CCL2: variants seen among roughly 807,000 people sequenced by gnomAD.
The protein encoded by CCL2 is C-C motif chemokine ligand 2.
CCL2 carries 2 observed loss-of-function variants against 6.7 expected under a neutral mutation model. The ratio of observed to expected loss-of-function variants is 0.30; its 90% CI spans 0.12 to 0.94. The LOEUF is 0.94. CCL2 is among the 40% of genes least tolerant of loss of function. The probability of loss-of-function intolerance (pLI) is 0.54; values close to 1 mark genes in which losing one functional copy is unlikely to be tolerated. For missense variants in CCL2, 89 were observed against 119.3 expected, an observed-to-expected ratio of 0.75 and a Z score of 1.18; for synonymous variants, 43 against 45.2, an observed-to-expected ratio of 0.95 and a Z score of 0.19.
In CCL2 at chr17:34,255,311, T is replaced by C; in HGVS notation, c.-39T>C. 6.3e-7 allele frequency: 1 copy of C among 1,588,280 alleles called. No individual in the cohort carries two copies. The highest frequency in any genetic ancestry group is 2.2e-5 in the East Asian group (1 of 44,654). ...AGAGGCTGAGACTAACCCAGAAACA[T>C]CCAATTCTCAAACTGAAGCTCGCAC... On this transcript the variant is annotated 5_prime_UTR_variant, in exon 1 of 3. Coordinates refer to ENST00000225831, the MANE Select transcript of CCL2 (RefSeq NM_002982.4).
chr17:34,256,386 G>C, intron 2 of CCL2, 47 bp downstream of exon 2: 7 of 1,232,714 alleles, frequency 5.7e-6, no homozygotes, highest in South Asian at 1.2e-5. Context: ...TCTTCCTTGT[G>C]GAGCAAGGGA....
rs1907703541 is a variant in CCL2, at chr17:34,256,847, A to G, written c.*20A>G. ...ACTTGAACACTCACTCCACAACCCA[A>G]GAATCTGCAGCTAACTTATTTTCCC... On this transcript the variant is annotated 3_prime_UTR_variant, in exon 3 of 3. Transcript: ENST00000225831. 1.4e-6 allele frequency: 2 copies of G among 1,473,592 alleles called. No homozygotes were observed. The highest frequency in any genetic ancestry group is 1.9e-6 in the Non-Finnish European group (2 of 1,054,880). The allele number at this position is 1,473,592 out of a possible 1,614,324, so 91.3% of individuals were successfully genotyped here.
chr17:34,256,617 G>A (rs552587136), intron 2 of CCL2, 105 bp from the exon 3 acceptor site: 90 of 768,234 alleles, frequency 1.2e-4, no homozygotes, highest in South Asian at 1.1e-3. Flanking sequence ...TTCCACCTGC[G>A]TTCCTCCTCT....
At chr17:34,255,453 C>A in intron 1 of CCL2, 28 bp downstream of exon 1, 2 of 1,576,486 alleles carry the variant, frequency 1.3e-6, no homozygotes, top group Non-Finnish European at 1.7e-6. Flanking sequence ...TCTCCTTGAA[C>A]CACATTGTCT....
rs559617755 is a variant in CCL2, at chr17:34,255,556, G to C, written c.76+131G>C. On this transcript the variant is annotated intron_variant, in intron 1 of 2. Transcript: ENST00000225831. ...TCCAAGATAAGGTGACTCAGAAAAG[G>C]ACAAGGGGTGAGCCCAACCACACAG... 96 of 747,896 alleles carry C rather than the reference G, an allele frequency of 1.3e-4. 3 individuals are homozygous for C. The South Asian group carries it at 1.7e-3, about 13-fold the overall frequency. The allele number at this position is 747,896 out of a possible 1,614,324, so 46.3% of individuals were successfully genotyped here.
Position 34,255,300 on chromosome 17 carries a change from A to T in CCL2, c.-50A>T. 1 of 1,550,386 alleles carries T rather than the reference A, an allele frequency of 6.5e-7. No homozygotes were observed. Among genetic ancestry groups the T allele is most frequent in the Non-Finnish European group, 8.9e-7 (1 of 1,123,814 alleles). ...CAGAGGAACCGAGAGGCTGAGACTA[A>T]CCCAGAAACATCCAATTCTCAAACT... On this transcript the variant is annotated 5_prime_UTR_variant, in exon 1 of 3. Transcript: ENST00000225831.
At position 34,256,725 on chromosome 17, in the gene CCL2, C is replaced by T; in HGVS notation, c.198C>T (p.Phe66=). ...SSKCPKEAVI[F]KTIVAKEICA... ...ACTCTGTCCTCCCTCCCCACAGCTT[C>T]AAGACCATTGTGGCCAAGGAGATCT... Residue 66 remains phenylalanine, a synonymous_variant, in exon 3 of 3, where the codon TTC becomes TTT. Transcript: ENST00000225831. 1.2e-6 allele frequency: 2 copies of T among 1,610,900 alleles called. No homozygotes were observed. The highest frequency in any genetic ancestry group is 1.7e-6 in the Non-Finnish European group (2 of 1,177,600).
At chr17:34,256,663 G>T in intron 2 of CCL2, 59 bp from the exon 3 acceptor site, 1 of 1,207,246 alleles carries the variant, frequency 8.3e-7, no homozygotes. Context: ...AGAATGGGCT[G>T]CACTTCTAGA....
intron 2 of CCL2, 100 bp downstream of exon 2, chr17:34,256,439 T>G: frequency 1.2e-6 from 1 of 825,828 alleles, no homozygotes; most frequent in South Asian, 1.6e-5. Flanking sequence ...CTATTTAACT[T>G]AATGTACAAA....
At chr17:34,256,059 T>C in intron 1 of CCL2, 163 bp from the exon 2 acceptor site, 1 of 586,334 alleles carries the variant, frequency 1.7e-6, no homozygotes, top group Non-Finnish European at 3.1e-6. Flanking sequence ...GGGTCAAAGA[T>C]CACATTCTAG....
intron 2 of CCL2, 45 bp from the exon 3 acceptor site, chr17:34,256,677 A>G: frequency 1.4e-6 from 2 of 1,413,322 alleles, no homozygotes; most frequent in Non-Finnish European, 2.0e-6. Flanking sequence ...TTCTAGACCA[A>G]AACTGCAAAG....
rs1458502892 is a variant in CCL2, at chr17:34,257,118, T to C, written c.*291T>C. On this transcript the variant is annotated 3_prime_UTR_variant, in exon 3 of 3. Coordinates refer to ENST00000225831, the MANE Select transcript of CCL2 (RefSeq NM_002982.4). The stretch of plus-strand genomic sequence containing the variant: ...AATCATTAATACAAAGAATTTTTTT[T>C]AACATTCCAATGCATTGCTAAAATA... The C allele has an allele frequency of 4.4e-6, 1 of 226,174 alleles. No individual in the cohort carries two copies. The highest frequency in any genetic ancestry group is 8.6e-6 in the Non-Finnish European group (1 of 115,972). The allele number at this position is 226,174 out of a possible 1,614,324, so 14.0% of individuals were successfully genotyped here. A position where few individuals can be genotyped will look rare whatever the true frequency, so the allele number is the denominator to read the frequency against.
At chr17:34,256,510 C>A (rs1177967977) in intron 2 of CCL2, 171 bp downstream of exon 2, 13 of 625,212 alleles carry the variant, frequency 2.1e-5, no homozygotes. Context: ...TCACTCTCCA[C>A]CTGGGTGCCT....
chr17:34,256,611 A>G (rs141727366), intron 2 of CCL2, 111 bp from the exon 3 acceptor site: 19 of 734,620 alleles, frequency 2.6e-5, no homozygotes, highest in South Asian at 1.6e-4. Flanking sequence ...CCCTCCTTCC[A>G]CCTGCGTTCC....
At chr17:34,255,823 A>C (rs981477070) in intron 1 of CCL2, 1 of 264,300 alleles carries the variant, frequency 3.8e-6, no homozygotes, top group South Asian at 7.0e-5. Flanking sequence ...GACTCTGCAG[A>C]GGTAATGAGT....
At chr17:34,256,193 A>G (rs1445576477) in intron 1 of CCL2, 29 bp from the exon 2 acceptor site, 4 of 1,445,580 alleles carry the variant, frequency 2.8e-6, no homozygotes, top group Non-Finnish European at 2.9e-6. Context: ...TCATCCTAAA[A>G]TGCTTTTTCT....
Position 34,255,445 on chromosome 17 carries a change from T to C in CCL2, c.76+20T>C, listed in dbSNP as rs1191960664. The stretch of plus-strand genomic sequence containing the variant: ...AGCCAGGTAAGGCCCCCTCTTCTTC[T>C]CCTTGAACCACATTGTCTTCTCTCT... On this transcript the variant is annotated intron_variant, in intron 1 of 2. Transcript: ENST00000225831. The C allele has an allele frequency of 1.9e-5, 30 of 1,597,828 alleles. No individual in the cohort carries two copies. Among genetic ancestry groups the C allele is most frequent in the Non-Finnish European group, 2.6e-5 (30 of 1,165,494 alleles).
At chr17:34,255,474 T>A (rs376264762) in intron 1 of CCL2, 49 bp downstream of exon 1, 63 of 1,487,708 alleles carry the variant, frequency 4.2e-5, no homozygotes, top group Non-Finnish European at 5.9e-5. Context: ...TCTCTCTGAG[T>A]TATCATGGAC....
rs1216487791 is a variant in CCL2 at position 34,256,314 on chromosome 17, A to T, written c.169A>T (p.Ser57Cys). The T allele has an allele frequency of 6.2e-7, 1 of 1,613,442 alleles. No homozygotes were observed. The highest frequency in any genetic ancestry group is 1.3e-5 in the African/African-American group (1 of 74,928). The part of the protein sequence containing the change: ...RLASYRRITS[S>C]KCPKEAVIFK... ...CGCGAGCTATAGAAGAATCACCAGC[A>T]GCAAGTGTCCCAAAGAAGCTGTGAT... The change falls in exon 2 of 3, where the codon AGC becomes TGC. Residue 57 changes from serine to cysteine, a missense_variant. Ser to Cys is a moderately radical substitution (Grantham distance 112, BLOSUM62 -1). Transcript: ENST00000225831.
Sources: allele counts gnomAD v4.1 joint callset, GRCh38; gene constraint gnomAD v4.1.1; transcripts MANE v1.5; gene names NCBI Gene and HGNC (gene_info 2026-07-23, HGNC 2026-07-21).